Variants in EML6 observed in about 807,000 individuals in gnomAD.
EML6 encodes the protein echinoderm microtubule-associated protein-like 6.
A neutral mutation model predicts 240.1 loss-of-function variants in EML6; 154 were observed. The ratio of observed to expected loss-of-function variants is 0.64; its 90% CI spans 0.56 to 0.73. EML6 has a LOEUF of 0.73. EML6 is among the 30% of genes least tolerant of loss of function. EML6 has a pLI of 0.00. For missense variants in EML6, 2,964 were observed against 2,474.6 expected (o/e 1.20, Z -4.20); for synonymous variants, 1,148 against 899.0 (o/e 1.28, Z -4.95).
intron 2 of EML6, among the ~76,000 whole-genome samples, chr2:54,786,437 G>A (rs767432214): frequency 2.0e-5 from 3 of 152,154 alleles, no homozygotes; most frequent in Non-Finnish European, 2.9e-5. Flanking sequence ...GAGAGCCAAA[G>A]ACCACACAAC....
chr2:54,918,494 A>C (rs1199285297), intron 26 of EML6, among the ~76,000 whole-genome samples: 3 of 152,144 alleles, frequency 2.0e-5, no homozygotes, highest in African/African-American at 4.8e-5. Flanking sequence ...GATTATGTGC[A>C]TACCACCATG....
rs983189130 is a variant in EML6 at position 54,725,480 on chromosome 2, A to C, written c.197+222A>C. 2.0e-5 allele frequency among the ~76,000 whole-genome samples: 3 copies of C among 152,090 alleles called. No homozygotes were observed. The highest frequency in any genetic ancestry group is 2.1e-4 in the South Asian group (1 of 4,814). ...ATGTCTTTTCGCTGTATCCCTCCGG[A>C]ATTCTGGCTTTTAAATCTCCAAGGA... is the stretch of plus-strand genomic sequence containing the variant. On this transcript the variant is annotated intron_variant, in intron 2 of 41. Coordinates refer to ENST00000356458, the MANE Select transcript of EML6 (RefSeq NM_001039753.4). The surrounding 1 kb of genome is among the most constrained non-coding windows in gnomAD (Gnocchi z 4.3).
chr2:54,801,931 C>G (rs993668336), intron 2 of EML6, among the ~76,000 whole-genome samples: 2 of 152,176 alleles, frequency 1.3e-5, no homozygotes, highest in Admixed American at 1.3e-4. Context: ...TTTTCATGAT[C>G]TTTCTTGTCT....
chr2:54,863,393 A>G (rs1014109819), intron 12 of EML6, among the ~76,000 whole-genome samples: 9 of 152,178 alleles, frequency 5.9e-5, no homozygotes, highest in African/African-American at 1.9e-4. Flanking sequence ...GGTGGTACGC[A>G]TCTCTGTAGT....
intron 17 of EML6, among the ~76,000 whole-genome samples, 193 bp from the exon 18 acceptor site, chr2:54,890,861 A>G (rs1672429740): frequency 6.6e-6 from 1 of 152,234 alleles, no homozygotes; most frequent in Non-Finnish European, 1.5e-5. Flanking sequence ...TAGGATAAGA[A>G]GAAAGGGTTC....
At chr2:54,759,869 CAT>C (rs149754384) in intron 2 of EML6, among the ~76,000 whole-genome samples, 7 of 148,632 alleles carry the variant, frequency 4.7e-5, no homozygotes, top group South Asian at 4.3e-4. Context: ...TCCTTCCCTC[CAT>C]ATATATATAT....
chr2:54,906,797 A>G (rs1673349543), intron 24 of EML6, among the ~76,000 whole-genome samples: 1 of 152,240 alleles, frequency 6.6e-6, no homozygotes, highest in Non-Finnish European at 1.5e-5. Flanking sequence ...CTCAGTCCCC[A>G]AAATGCCTGA....
At chr2:54,737,447 C>T (rs532471545) in intron 2 of EML6, among the ~76,000 whole-genome samples, 12 of 152,142 alleles carry the variant, frequency 7.9e-5, no homozygotes, top group Non-Finnish European at 1.5e-4. Flanking sequence ...TATAGGCATG[C>T]GCCACCGTGC....
intron 11 of EML6, among the ~76,000 whole-genome samples, chr2:54,857,718 G>C (rs1042388145): frequency 1.3e-5 from 2 of 152,284 alleles, no homozygotes; most frequent in Admixed American, 6.5e-5. Context: ...GAGAATGAAG[G>C]ATCCAGCTGT....
intron 38 of EML6, among the ~76,000 whole-genome samples, chr2:54,966,516 A>C (rs2104554099): frequency 6.6e-6 from 1 of 152,332 alleles, no homozygotes; most frequent in East Asian, 1.9e-4. Context: ...GACACCTCAG[A>C]GATCATCTGT....
At chr2:54,818,513 C>T (rs1668180586) in intron 4 of EML6, among the ~76,000 whole-genome samples, 1 of 152,156 alleles carries the variant, frequency 6.6e-6, no homozygotes, top group Non-Finnish European at 1.5e-5. Context: ...TCATTTTCCC[C>T]AGGATACATA....
Position 54,943,292 on chromosome 2 carries a change from C to T in EML6, c.4005-5590C>T, listed in dbSNP as rs199886723. 5.3e-5 allele frequency among the ~76,000 whole-genome samples: 8 copies of T among 152,310 alleles called. No individual in the cohort carries two copies. In the East Asian group the frequency reaches 1.4e-3, roughly 26 times the overall value. ...AGTAAGTCCCTTCTCCTATTCAAGA[C>T]AGTTCCCTCACCTGGTGCTTGGCCC... On this transcript the variant is annotated intron_variant, in intron 28 of 41. Coordinates refer to ENST00000356458, the MANE Select transcript of EML6 (RefSeq NM_001039753.4).
chr2:54,793,197 G>A (rs1283755440), intron 2 of EML6, among the ~76,000 whole-genome samples: 2 of 152,148 alleles, frequency 1.3e-5, no homozygotes, highest in Admixed American at 1.3e-4. Flanking sequence ...AACTCAGTAG[G>A]TAGAGGCTGC....
At chr2:54,966,895 C>T in intron 38 of EML6, 105 bp from the exon 39 acceptor site, 2 of 700,994 alleles carry the variant, frequency 2.9e-6, no homozygotes, top group East Asian at 5.7e-5. Flanking sequence ...GGAGAAAAGC[C>T]CTAGGGATGC....
At chr2:54,807,579 T>G (rs1670565461) in intron 2 of EML6, among the ~76,000 whole-genome samples, 1 of 152,168 alleles carries the variant, frequency 6.6e-6, no homozygotes, top group Non-Finnish European at 1.5e-5. Context: ...TGTGACATCA[T>G]TGAAAATGGA....
intron 25 of EML6, among the ~76,000 whole-genome samples, chr2:54,912,956 C>G (rs1673718831): frequency 6.6e-6 from 1 of 151,208 alleles, no homozygotes; most frequent in African/African-American, 2.4e-5. Flanking sequence ...AATGGTAATT[C>G]TTTTTTAAGT....
intron 12 of EML6, among the ~76,000 whole-genome samples, chr2:54,862,680 G>A (rs534963504): frequency 5.9e-5 from 9 of 152,190 alleles, no homozygotes; most frequent in Admixed American, 2.6e-4. Context: ...CAAAGGACAC[G>A]AGTAAGATGA....
At chr2:54,943,972 T>G (rs981128168) in intron 28 of EML6, among the ~76,000 whole-genome samples, 10 of 152,262 alleles carry the variant, frequency 6.6e-5, no homozygotes, top group African/African-American at 2.4e-4. Context: ...CTCTCGCCTT[T>G]TTGAAAGAAT....
Position 54,905,827 on chromosome 2 carries a change from T to C in EML6, c.3409+2325T>C, listed in dbSNP as rs149270475. 1.0e-3 allele frequency among the ~76,000 whole-genome samples: 156 copies of C among 152,332 alleles called. 2 individuals carry two copies. The highest frequency in any genetic ancestry group is 3.7e-3 in the African/African-American group (153 of 41,566). ...GGGCTTATTCCACTTAGCATAATGTTCTCAAGATTCCTCCATGTTGTAGCA... is the reference window on the plus strand; with the variant it reads ...GGGCTTATTCCACTTAGCATAATGTCCTCAAGATTCCTCCATGTTGTAGCA... On this transcript the variant is annotated intron_variant, in intron 24 of 41. Transcript: ENST00000356458.
Sources: allele counts gnomAD v4.1 joint callset (sites outside exome capture counted in the v4.1 genomes callset), GRCh38; gene constraint gnomAD v4.1.1; non-coding constraint Gnocchi (gnomAD v3.1); transcripts MANE v1.5; gene names NCBI Gene and HGNC (gene_info 2026-07-23, HGNC 2026-07-21).